The following TNN variants were observed in gnomAD, a reference collection of about 807,000 sequenced individuals.
TNN encodes the protein tenascin-N.
In TNN, 122 loss-of-function variants were observed where a neutral mutation model predicts 134.4. The ratio of observed to expected loss-of-function variants is 0.91; its 90% CI spans 0.78 to 1.06. The LOEUF is 1.06. TNN is among the 50% of genes least tolerant of loss of function. The probability of loss-of-function intolerance (pLI) is 0.00; values close to 1 mark genes in which losing one functional copy is unlikely to be tolerated. For synonymous variants in TNN, 710 were observed against 670.3 expected, an observed-to-expected ratio of 1.06 and a Z score of -0.91; for missense variants, 1,739 against 1,699.4, an observed-to-expected ratio of 1.02 and a Z score of -0.41.
intron 18 of TNN, among the ~76,000 whole-genome samples, chr1:175,145,572 A>AAAT (rs1676044697): frequency 6.7e-6 from 1 of 149,518 alleles, no homozygotes; most frequent in African/African-American, 2.5e-5. Flanking sequence ...AAAAAAAAAA[A>AAAT]AAAGCTGTCT....
intron 11 of TNN, among the ~76,000 whole-genome samples, chr1:175,121,688 A>T (rs1162662115): frequency 8.9e-6 from 1 of 112,286 alleles, no homozygotes; most frequent in African/African-American, 3.3e-5. Context: ...TCTGGAATAT[A>T]TTTTTGAGGT....
At chr1:175,116,404 G>T (rs1210256488) in intron 9 of TNN, among the ~76,000 whole-genome samples, 1 of 152,058 alleles carries the variant, frequency 6.6e-6, no homozygotes, top group East Asian at 1.9e-4. Flanking sequence ...AGTGATAAGT[G>T]CAATAATCAT....
At chr1:175,110,533 T>A (rs1314453228) in intron 9 of TNN, among the ~76,000 whole-genome samples, 2 of 152,268 alleles carry the variant, frequency 1.3e-5, no homozygotes, top group Non-Finnish European at 2.9e-5. Flanking sequence ...CACTTTAATT[T>A]AATTTTTGAA....
intron 11 of TNN, among the ~76,000 whole-genome samples, chr1:175,121,759 C>T (rs1300151607): frequency 6.6e-6 from 1 of 152,024 alleles, no homozygotes; most frequent in Non-Finnish European, 1.5e-5. Context: ...TCAAGTATGA[C>T]CTGTGTTTTT....
intron 15 of TNN, among the ~76,000 whole-genome samples, chr1:175,134,081 A>G (rs4651320): frequency 0.89 from 135,328 of 152,230 alleles, 60,407 homozygotes; most frequent in African/African-American, 0.95. Context: ...AAGTGAACTG[A>G]GACTCAGTGA....
At chr1:175,098,705 G>C in intron 9 of TNN, 110 bp downstream of exon 9, 2 of 1,489,484 alleles carry the variant, frequency 1.3e-6, no homozygotes, top group Non-Finnish European at 1.8e-6. Flanking sequence ...GAGCAGGTTG[G>C]TATCCTCCCA....
chr1:175,133,362 C>A (rs1194427926), intron 15 of TNN, among the ~76,000 whole-genome samples: 1 of 152,158 alleles, frequency 6.6e-6, no homozygotes, highest in Non-Finnish European at 1.5e-5. Flanking sequence ...TTCTTTGGCC[C>A]GTTCCAGTTT....
At chr1:175,073,928 C>G (rs575622379) in intron 1 of TNN, among the ~76,000 whole-genome samples, 3 of 152,164 alleles carry the variant, frequency 2.0e-5, no homozygotes, top group Non-Finnish European at 4.4e-5. Flanking sequence ...CACCTCAGCT[C>G]GGGCCCTGAA....
At chr1:175,109,439 C>A (rs187719112) in intron 9 of TNN, among the ~76,000 whole-genome samples, 1 of 152,010 alleles carries the variant, frequency 6.6e-6, no homozygotes, top group Admixed American at 6.6e-5. Flanking sequence ...ATTCCCCTTA[C>A]TCCTACACTT....
At chr1:175,102,970 G>A (rs1361776431) in intron 9 of TNN, among the ~76,000 whole-genome samples, 3 of 146,298 alleles carry the variant, frequency 2.1e-5, no homozygotes, top group Non-Finnish European at 3.0e-5. Context: ...CTGCAGTTGC[G>A]GTGTCCTTCA....
intron 9 of TNN, 150 bp from the exon 10 acceptor site, chr1:175,116,789 A>G: frequency 9.4e-7 from 1 of 1,063,462 alleles, no homozygotes; most frequent in Non-Finnish European, 1.4e-6. Flanking sequence ...CTGTGGGGAT[A>G]AGGTCTATAT....
chr1:175,068,086 A>G (rs57928330), intron 1 of TNN, among the ~76,000 whole-genome samples, 151 bp downstream of exon 1: 6,389 of 152,244 alleles, frequency 0.042, 198 homozygotes, highest in Middle Eastern at 0.095. Flanking sequence ...ATGAAGAGTT[A>G]AAATGAATTG....
chr1:175,128,673 T>C lies in TNN; in HGVS notation c.3257T>C (p.Ile1086Thr), dbSNP rs773492834. The C allele has an allele frequency of 5.0e-6, 8 of 1,614,040 alleles. No homozygotes were observed. The East Asian group carries it at 1.8e-4, about 36-fold the overall frequency. ...AATGCCGCCAGTGGTCTGTACACCA[T>C]CTACCTGCATGGCGATGCCAGCCGG... ...NSNAASGLYTIYLHGDASRPL... is the reference protein window; with the variant it reads ...NSNAASGLYTTYLHGDASRPL... Residue 1086 changes from isoleucine (I) to threonine (T), a missense_variant, in exon 15 of 19, where the codon ATC becomes ACC. By Grantham distance (89) the Ile-to-Thr change is moderately conservative. Transcript: ENST00000239462.
chr1:175,118,764 C>G lies in TNN; in HGVS notation c.2590C>G (p.His864Asp), dbSNP rs746188138. The G allele has an allele frequency of 1.9e-6, 3 of 1,614,080 alleles. No homozygotes were observed. Among genetic ancestry groups the G allele is most frequent in the Non-Finnish European group, 2.5e-6 (3 of 1,180,036 alleles). ...GLRPGMEYTVHVWAQKGNQES... is the reference protein window; with the variant it reads ...GLRPGMEYTVDVWAQKGNQES... ...GAGGCCGGGCATGGAGTACACGGTG[C>G]ACGTGTGGGCCCAGAAGGGGAACCA... The change falls in exon 11 of 19, where the codon CAC (histidine) becomes GAC (aspartate). Residue 864 changes from histidine to aspartate, a missense_variant. By Grantham distance (81) the His-to-Asp change is moderately conservative. Transcript: ENST00000239462.
Position 175,107,297 on chromosome 1 carries a change from C to T in TNN, c.2119+8702C>T, listed in dbSNP as rs149834606. On this transcript the variant is annotated intron_variant, in intron 9 of 18. Transcript: ENST00000239462. ...GCTCAGGAGTGAAGCTGCAGACCTTCGTGGTGAGTGTTACAGCTCTTAAGG... is the reference window on the plus strand; with the variant it reads ...GCTCAGGAGTGAAGCTGCAGACCTTTGTGGTGAGTGTTACAGCTCTTAAGG... Among the ~76,000 whole-genome samples, 27 of 139,336 alleles carry T rather than the reference C, an allele frequency of 1.9e-4. 1 individual carries two copies. The highest frequency in any genetic ancestry group is 3.4e-4 in the Non-Finnish European group (21 of 62,582). 91.4% of individuals were successfully genotyped at this position (139,336 alleles called of 152,430 possible).
At chr1:175,069,809 G>A (rs1368346398) in intron 1 of TNN, among the ~76,000 whole-genome samples, 1 of 152,238 alleles carries the variant, frequency 6.6e-6, no homozygotes, top group Admixed American at 6.5e-5. Context: ...TGTACCCAGC[G>A]AGTGTGAGTG....
At chr1:175,102,687 C>A (rs148887350) in intron 9 of TNN, among the ~76,000 whole-genome samples, 4,794 of 145,606 alleles carry the variant, frequency 0.033, 139 homozygotes, top group Non-Finnish European at 0.05. Flanking sequence ...CCTCTCCCTC[C>A]ACACCTCCCC....
At chr1:175,106,508 G>A (rs1036542811) in intron 9 of TNN, among the ~76,000 whole-genome samples, 1 of 145,748 alleles carries the variant, frequency 6.9e-6, no homozygotes, top group African/African-American at 2.5e-5. Flanking sequence ...CAGAGTCCTG[G>A]AGTTTATACT....
rs1401303828 is a variant in TNN at position 175,094,213 on chromosome 1, C to T, written c.1548C>T (p.Gly516=). ...AYKVYVWAER[G]NQGSKKADTN... ...AGGTCTACGTGTGGGCTGAAAGGGG[C>T]AACCAGGGGAGCAAGAAAGCTGACA... The change falls in exon 7 of 19, where the codon GGC becomes GGT. Residue 516 remains glycine (G), a synonymous_variant. Coordinates refer to ENST00000239462, the MANE Select transcript of TNN (RefSeq NM_022093.2). 6.2e-7 allele frequency: 1 copy of T among 1,611,232 alleles called. No individual in the cohort carries two copies. Among genetic ancestry groups the T allele is most frequent in the Admixed American group, 1.7e-5 (1 of 59,830 alleles).
Sources: allele counts gnomAD v4.1 joint callset (sites outside exome capture counted in the v4.1 genomes callset), GRCh38; gene constraint gnomAD v4.1.1; transcripts MANE v1.5; gene names NCBI Gene and HGNC (gene_info 2026-07-23, HGNC 2026-07-21).